Variants in PEAK1 observed in about 807,000 individuals in gnomAD.
PEAK1 encodes inactive tyrosine-protein kinase PEAK1.
In PEAK1, 54 loss-of-function variants were observed where a neutral mutation model predicts 124.7. That is an observed-to-expected ratio of 0.43 (90% CI 0.35 to 0.54). PEAK1 has a LOEUF of 0.54. Ranked by LOEUF, PEAK1 falls within the 20% of genes least tolerant of loss-of-function variation. The pLI is 0.01. For missense variants in PEAK1, 2,046 were observed against 2,134.5 expected, an observed-to-expected ratio of 0.96 and a Z score of 0.82; for synonymous variants, 719 against 760.0, an observed-to-expected ratio of 0.95 and a Z score of 0.89.
At chr15:77,165,576 T>C (rs1377617719) in intron 7 of PEAK1, among the ~76,000 whole-genome samples, 1 of 152,156 alleles carries the variant, frequency 6.6e-6, no homozygotes, top group East Asian at 1.9e-4. Context: ...AGTGCACCTT[T>C]TTTCACTTTC....
intron 6 of PEAK1, among the ~76,000 whole-genome samples, chr15:77,202,320 A>G (rs1013012757): frequency 1.7e-4 from 26 of 152,270 alleles, no homozygotes; most frequent in South Asian, 4.1e-4. Flanking sequence ...ACTTTTGACT[A>G]CCACAGAACC....
At chr15:77,335,749 C>A (rs1490957687) in intron 2 of PEAK1, 7 of 981,284 alleles carry the variant, frequency 7.1e-6, no homozygotes, top group Non-Finnish European at 8.5e-6. Flanking sequence ...CTTCAGCCTC[C>A]CAAAGTGCTC....
chr15:77,294,157 G>C (rs1445187371), intron 2 of PEAK1, among the ~76,000 whole-genome samples: 1 of 152,132 alleles, frequency 6.6e-6, no homozygotes, highest in Non-Finnish European at 1.5e-5. Context: ...TAAGACAACA[G>C]TGTCTTGATG....
intron 8 of PEAK1, among the ~76,000 whole-genome samples, chr15:77,154,993 T>C (rs948766126): frequency 2.0e-5 from 3 of 152,208 alleles, no homozygotes; most frequent in Admixed American, 2.0e-4. Flanking sequence ...GGAGTATCTG[T>C]GGCGTTCTCT....
intron 6 of PEAK1, among the ~76,000 whole-genome samples, chr15:77,226,150 A>C (rs1223405015): frequency 6.9e-6 from 1 of 144,678 alleles, no homozygotes; most frequent in African/African-American, 2.5e-5. Context: ...GACCATTACC[A>C]GGAAACAGAA....
rs1053709931 is a variant in PEAK1 at position 77,365,794 on chromosome 15, G to GA, written c.-665-570dup. On this transcript the variant is annotated intron_variant, in intron 1 of 9. Transcript: ENST00000682557. Reference sequence around the variant, plus strand: ...CAAAACATGTACTACATAAACAGGAGAAAAAAATCAATCTCCTTCATCAAC... The same window carrying GA: ...CAAAACATGTACTACATAAACAGGAGAAAAAAAATCAATCTCCTTCATCAAC... Among the ~76,000 whole-genome samples, 11 of 137,258 alleles carry GA rather than the reference G, an allele frequency of 8.0e-5. No individual in the cohort carries two copies. The East Asian group carries it at 1.3e-3, about 16-fold the overall frequency. 90.0% of individuals were successfully genotyped at this position (137,258 alleles called of 152,430 possible).
intron 6 of PEAK1, among the ~76,000 whole-genome samples, chr15:77,194,183 A>G (rs1472124001): frequency 6.6e-6 from 1 of 152,084 alleles, no homozygotes; most frequent in Non-Finnish European, 1.5e-5. Context: ...ATATCCAATC[A>G]ATTGTCAGGT....
chr15:77,269,580 A>G (rs566561001), intron 5 of PEAK1, among the ~76,000 whole-genome samples: 14 of 152,302 alleles, frequency 9.2e-5, no homozygotes, highest in Non-Finnish European at 1.8e-4. Flanking sequence ...GGGGACTTCA[A>G]TACTTCACTG....
chr15:77,379,608 T>C (rs1335191368), intron 1 of PEAK1, among the ~76,000 whole-genome samples: 1 of 152,122 alleles, frequency 6.6e-6, no homozygotes, highest in Non-Finnish European at 1.5e-5. Context: ...TCTAGAAGTG[T>C]ATATCTAGAG....
At chr15:77,147,329 A>G (rs2054241289) in intron 8 of PEAK1, among the ~76,000 whole-genome samples, 1 of 152,188 alleles carries the variant, frequency 6.6e-6, no homozygotes, top group African/African-American at 2.4e-5. Context: ...TGTGTTTTAG[A>G]TAATGCTCTA....
intron 2 of PEAK1, among the ~76,000 whole-genome samples, chr15:77,299,852 C>T (rs1418041179): frequency 6.6e-6 from 1 of 152,126 alleles, no homozygotes; most frequent in Non-Finnish European, 1.5e-5. Context: ...TTCTTCTCCC[C>T]ACTAATTTAT....
intron 2 of PEAK1, among the ~76,000 whole-genome samples, chr15:77,342,079 C>T (rs1043343721): frequency 6.6e-6 from 1 of 151,320 alleles, no homozygotes; most frequent in African/African-American, 2.4e-5. Context: ...ATCTCCTTAG[C>T]CCAGCAGTAT....
chr15:77,280,138 C>T (rs540788865), intron 5 of PEAK1, among the ~76,000 whole-genome samples: 5 of 152,086 alleles, frequency 3.3e-5, no homozygotes, highest in South Asian at 2.1e-4. Flanking sequence ...GTCAGGAGTT[C>T]GAGGCCAGCC....
At position 77,286,422 on chromosome 15, in the gene PEAK1, C is replaced by A. The variant is rs544769202; in HGVS notation, c.-521+1G>T. 5 of 1,212,922 alleles carry A rather than the reference C, an allele frequency of 4.1e-6. No homozygotes were observed. The African/African-American group carries it at 4.7e-5, about 11-fold the overall frequency. 75.1% of individuals were successfully genotyped at this position (1,212,922 alleles called of 1,614,324 possible). A position where few individuals can be genotyped will look rare whatever the true frequency, so the allele number is the denominator to read the frequency against. ...ACATTATGGAAAGAAAAAGTACAAA[C>A]CTGGTTTAATTGGCTCCAACTCTGG... On this transcript the variant is annotated splice_donor_variant, in intron 3 of 9. Transcript: ENST00000682557. LOFTEE classifies it low-confidence loss of function (5UTR_SPLICE).
intron 2 of PEAK1, among the ~76,000 whole-genome samples, chr15:77,356,600 A>G (rs2067532079): frequency 6.6e-6 from 1 of 151,086 alleles, no homozygotes; most frequent in Admixed American, 6.6e-5. Context: ...TAAAAATTGC[A>G]AACACCTGAA....
chr15:77,412,569 T>A (rs1413749176), intron 1 of PEAK1, among the ~76,000 whole-genome samples: 2 of 152,218 alleles, frequency 1.3e-5, no homozygotes, highest in Non-Finnish European at 2.9e-5. Context: ...TATTTTTATA[T>A]ACAGAAATAC....
chr15:77,403,442 A>T (rs978434838), intron 1 of PEAK1: 13 of 925,666 alleles, frequency 1.4e-5, no homozygotes, highest in Non-Finnish European at 1.5e-5. Context: ...ATTGATTGTA[A>T]GGGTAAATAA....
At chr15:77,334,007 T>C (rs986007300) in intron 2 of PEAK1, 7 of 476,168 alleles carry the variant, frequency 1.5e-5, no homozygotes, top group Non-Finnish European at 1.9e-5. Context: ...GAAGAATTAA[T>C]ATAAGACTGA....
intron 8 of PEAK1, among the ~76,000 whole-genome samples, chr15:77,136,310 C>A (rs1294285787): frequency 6.6e-6 from 1 of 152,146 alleles, no homozygotes; most frequent in Admixed American, 6.6e-5. Context: ...GCAAAGCATT[C>A]AAGAGGTGAC....
Sources: gnomAD v4.1 joint callset for allele counts (sites outside exome capture counted in the v4.1 genomes callset) on GRCh38, gnomAD v4.1.1 for gene constraint, MANE v1.5 for transcripts, NCBI Gene and HGNC (gene_info 2026-07-23, HGNC 2026-07-21) for gene names.